The following ZBTB7C variants were observed in gnomAD, a reference collection of about 807,000 sequenced individuals.
ZBTB7C encodes zinc finger and BTB domain-containing protein 7C.
Under a neutral mutation model 25.7 loss-of-function variants are expected in ZBTB7C, and 8 were observed. The observed-to-expected ratio is 0.31, with a 90% CI of 0.18 to 0.56. ZBTB7C has a LOEUF of 0.56. Among genes scored for constraint, ZBTB7C ranks in the 20% least tolerant of loss-of-function variants. ZBTB7C has a pLI of 0.91. For missense variants in ZBTB7C, 824 were observed against 855.2 expected, an observed-to-expected ratio of 0.96 and a Z score of 0.46; for synonymous variants, 394 against 369.0, an observed-to-expected ratio of 1.07 and a Z score of -0.78.
At chr18:48,278,323 C>T (rs905287495) in intron 2 of ZBTB7C, among the ~76,000 whole-genome samples, 2 of 152,216 alleles carry the variant, frequency 1.3e-5, no homozygotes, top group African/African-American at 4.8e-5. Flanking sequence ...CAGTCAAGAG[C>T]ATCTCCAAGG....
At chr18:48,099,185 A>G (rs1370598804) in intron 3 of ZBTB7C, among the ~76,000 whole-genome samples, 2 of 152,250 alleles carry the variant, frequency 1.3e-5, no homozygotes, top group East Asian at 3.8e-4. Context: ...GCCAGGAATA[A>G]GTGAGTGCCT....
At chr18:48,202,931 A>G (rs923190239) in intron 2 of ZBTB7C, among the ~76,000 whole-genome samples, 4 of 151,682 alleles carry the variant, frequency 2.6e-5, no homozygotes, top group African/African-American at 7.3e-5. Context: ...CAGCCTGAAG[A>G]TCACCTCCTA....
chr18:48,224,421 G>T (rs1231474320), intron 2 of ZBTB7C, among the ~76,000 whole-genome samples: 1 of 152,198 alleles, frequency 6.6e-6, no homozygotes, highest in African/African-American at 2.4e-5. Flanking sequence ...TGGGACACAA[G>T]GAGGCACAGA....
At chr18:48,100,051 G>C (rs953130387) in intron 3 of ZBTB7C, among the ~76,000 whole-genome samples, 4 of 152,138 alleles carry the variant, frequency 2.6e-5, no homozygotes, top group African/African-American at 9.7e-5. Flanking sequence ...CAGATGACTG[G>C]GTTGTGCTTT....
At chr18:48,087,197 C>T (rs2038223813) in intron 3 of ZBTB7C, among the ~76,000 whole-genome samples, 1 of 152,120 alleles carries the variant, frequency 6.6e-6, no homozygotes, top group South Asian at 2.1e-4. Context: ...CTGGAGAAGG[C>T]AATGAGAGCA....
chr18:48,032,638 A>G (rs186601210), intron 4 of ZBTB7C, among the ~76,000 whole-genome samples: 9 of 151,414 alleles, frequency 5.9e-5, no homozygotes, highest in Admixed American at 3.9e-4. Flanking sequence ...GGGTTTCACC[A>G]TATTAGCCAG....
chr18:48,091,238 ATTTTT>A (rs35051690), intron 3 of ZBTB7C, among the ~76,000 whole-genome samples: 13 of 64,674 alleles, frequency 2.0e-4, no homozygotes, highest in African/African-American at 4.0e-4. Flanking sequence ...TGCCCGGATA[ATTTTT>A]TTTTTTTTTT....
chr18:48,131,744 T>C (rs1362911608), intron 3 of ZBTB7C, among the ~76,000 whole-genome samples: 1 of 152,142 alleles, frequency 6.6e-6, no homozygotes, highest in Non-Finnish European at 1.5e-5. Context: ...TGCAGGATGC[T>C]CAAGAGGTCT....
At chr18:48,339,771 C>T (rs898782916) in intron 1 of ZBTB7C, among the ~76,000 whole-genome samples, 3 of 151,838 alleles carry the variant, frequency 2.0e-5, no homozygotes, top group African/African-American at 4.8e-5. Context: ...ATAGGAGGGT[C>T]GAAGAGGAGA....
At chr18:48,296,845 G>A (rs570526688) in intron 2 of ZBTB7C, among the ~76,000 whole-genome samples, 6 of 152,274 alleles carry the variant, frequency 3.9e-5, no homozygotes, top group African/African-American at 1.4e-4. Context: ...TCTCACAGGA[G>A]CGCGAACTCT....
intron 3 of ZBTB7C, among the ~76,000 whole-genome samples, chr18:48,139,903 C>T (rs753710106): frequency 2.0e-5 from 3 of 152,124 alleles, no homozygotes; most frequent in Non-Finnish European, 4.4e-5. Context: ...CTTTGGCCTC[C>T]TCCTCCTCCT....
intron 1 of ZBTB7C, among the ~76,000 whole-genome samples, chr18:48,402,422 G>C (rs1165547686): frequency 6.6e-6 from 1 of 152,200 alleles, no homozygotes; most frequent in South Asian, 2.1e-4. Context: ...CTCAGTAAGG[G>C]GATAACTTGC....
intron 1 of ZBTB7C, among the ~76,000 whole-genome samples, chr18:48,396,622 C>G (rs1413048446): frequency 2.0e-5 from 3 of 152,202 alleles, no homozygotes; most frequent in African/African-American, 4.8e-5. Context: ...GAAGCATATG[C>G]AAACGTGAGC....
At chr18:48,360,286 G>A (rs1229921542) in intron 1 of ZBTB7C, among the ~76,000 whole-genome samples, 1 of 152,214 alleles carries the variant, frequency 6.6e-6, no homozygotes, top group Admixed American at 6.5e-5. Context: ...TAACCGAACT[G>A]CGGACAGAGC....
intron 2 of ZBTB7C, among the ~76,000 whole-genome samples, chr18:48,219,302 C>G (rs1018712006): frequency 6.6e-6 from 1 of 152,202 alleles, no homozygotes; most frequent in East Asian, 1.9e-4. Flanking sequence ...TGGGCTCTCC[C>G]TCCTAGCAAA....
chr18:48,121,320 G>T (rs948249823), intron 3 of ZBTB7C, among the ~76,000 whole-genome samples: 5 of 152,080 alleles, frequency 3.3e-5, no homozygotes, highest in African/African-American at 1.2e-4. Flanking sequence ...TGTCATCAGA[G>T]CCCAGGGATG....
At chr18:48,265,653 T>C (rs747267240) in intron 2 of ZBTB7C, among the ~76,000 whole-genome samples, 1 of 152,156 alleles carries the variant, frequency 6.6e-6, no homozygotes, top group Non-Finnish European at 1.5e-5. Flanking sequence ...ATGAAGGACA[T>C]GGCATCCTGT....
At chr18:48,232,816 A>G (rs2043288466) in intron 2 of ZBTB7C, among the ~76,000 whole-genome samples, 1 of 152,118 alleles carries the variant, frequency 6.6e-6, no homozygotes. Context: ...TACATCTCAT[A>G]AGTTTTATCC....
chr18:48,075,210 A>G (rs928795799), intron 3 of ZBTB7C, among the ~76,000 whole-genome samples: 3 of 152,178 alleles, frequency 2.0e-5, no homozygotes, highest in African/African-American at 7.2e-5. Flanking sequence ...TGCTGGGTAG[A>G]TGGCACTGCC....
Sources: gnomAD v4.1 joint callset for allele counts (sites outside exome capture counted in the v4.1 genomes callset) on GRCh38, gnomAD v4.1.1 for gene constraint, MANE v1.5 for transcripts, NCBI Gene and HGNC (gene_info 2026-07-23, HGNC 2026-07-21) for gene names.